The following SPTB variants were observed in gnomAD, a reference collection of about 807,000 sequenced individuals.
SPTB encodes spectrin beta chain, erythrocytic.
Under a neutral mutation model 256.2 loss-of-function variants are expected in SPTB, and 45 were observed. The ratio of observed to expected loss-of-function variants is 0.18; its 90% CI spans 0.14 to 0.23. The LOEUF (loss-of-function observed/expected upper bound fraction) is 0.23. SPTB is among the 10% of genes least tolerant of loss of function. The pLI is 1.00. For synonymous variants in SPTB, 1,231 were observed against 1,243.1 expected (o/e 0.99, Z 0.21); for missense variants, 2,715 against 3,040.4 (o/e 0.89, Z 2.52).
At position 64,774,499 on chromosome 14, in the gene SPTB, T is replaced by A. The variant is rs1361492153; in HGVS notation, c.4871A>T (p.Lys1624Met). Residue 1624 changes from lysine (K) to methionine (M), a missense_variant, in exon 24 of 36, where the codon AAG (lysine) becomes ATG (methionine). Physicochemically the swap from Lys to Met is moderately conservative, Grantham distance 95. This residue lies in a region of SPTB where 2,239 missense variants were observed against 2,384.4 expected (regional missense o/e 0.94). Coordinates refer to ENST00000644917, the MANE Select transcript of SPTB (RefSeq NM_001355436.2). ...CGCACGCTGCTGCCGCAAATGTCGC[T>A]TCAGCATCACAATGGCGCCCTCTTC... is the stretch of plus-strand genomic sequence containing the variant. ...KDEEGAIVML[K>M]RHLRQQRAVE... is the part of the protein sequence containing the mutation. 3 of 1,554,994 alleles carry A rather than the reference T, an allele frequency of 1.9e-6. No homozygotes were observed. Among genetic ancestry groups the A allele is most frequent in the Non-Finnish European group, 2.6e-6 (3 of 1,148,992 alleles).
rs229670 is a variant in SPTB, at chr14:64,816,783, A to C, written c.148+6164T>G. ...ATGGAAAATTGCTACAGATGCTCTGAAAACACCACCCTTGGCACCTCCTCA... is the reference window on the plus strand; with the variant it reads ...ATGGAAAATTGCTACAGATGCTCTGCAAACACCACCCTTGGCACCTCCTCA... On this transcript the variant is annotated intron_variant, in intron 2 of 35. Transcript: ENST00000644917. This position sits in a 1 kb window ranked among gnomAD's most constrained non-coding sequence, Gnocchi z 4.2. Among the ~76,000 whole-genome samples the C allele has an allele frequency of 0.26, 40,110 of 152,008 alleles. 5,918 individuals carry two copies. Among genetic ancestry groups the C allele is most frequent in the African/African-American group, 0.4 (16,443 of 41,404 alleles).
At chr14:64,804,536 C>G (rs1206554889) in intron 3 of SPTB, among the ~76,000 whole-genome samples, 9 of 152,110 alleles carry the variant, frequency 5.9e-5, no homozygotes, top group African/African-American at 1.4e-4. Flanking sequence ...ACTGAGACAG[C>G]CTCTAATAAA....
Position 64,824,187 on chromosome 14 carries a change from G to A in SPTB, c.-51-1042C>T, listed in dbSNP as rs1040472969. On this transcript the variant is annotated intron_variant, in intron 1 of 35. Coordinates refer to ENST00000644917, the MANE Select transcript of SPTB (RefSeq NM_001355436.2). The surrounding 1 kb of genome is among the most constrained non-coding windows in gnomAD (Gnocchi z 5.7). ...GTGATGTGTGTCATGGCTGGCTTAG[G>A]TGGGGACTCGGCGGGGACTGGTATC... is the stretch of plus-strand genomic sequence containing the variant. Among the ~76,000 whole-genome samples the A allele has an allele frequency of 1.3e-5, 2 of 152,176 alleles. No individual in the cohort carries two copies. Among genetic ancestry groups the A allele is most frequent in the East Asian group, 1.9e-4 (1 of 5,200 alleles).
At chr14:64,837,965 A>C (rs1050846647) in intron 1 of SPTB, among the ~76,000 whole-genome samples, 1 of 152,198 alleles carries the variant, frequency 6.6e-6, no homozygotes, top group African/African-American at 2.4e-5. Context: ...AGAATAGACA[A>C]AGCCATTTTG....
intron 9 of SPTB, among the ~76,000 whole-genome samples, chr14:64,799,346 A>C (rs919753979): frequency 2.0e-5 from 3 of 152,232 alleles, no homozygotes; most frequent in Non-Finnish European, 2.9e-5. Context: ...TTGACAATCC[A>C]TAAGGCCCCA....
rs891086677 is a variant in SPTB, at chr14:64,823,698, G to C, written c.-51-553C>G. ...CCACCAGCCCGGGGCAGCTGCACTG[G>C]GGGGACTTCACTCCTCCCGGAGGCT... On this transcript the variant is annotated intron_variant, in intron 1 of 35. Transcript: ENST00000644917. This position sits in a 1 kb window ranked among gnomAD's most constrained non-coding sequence, Gnocchi z 6.5. Among the ~76,000 whole-genome samples the C allele has an allele frequency of 6.6e-6, 1 of 152,170 alleles. No individual in the cohort carries two copies. The highest frequency in any genetic ancestry group is 1.5e-5 in the Non-Finnish European group (1 of 68,034).
chr14:64,808,007 A>G (rs1273614079), intron 2 of SPTB, among the ~76,000 whole-genome samples: 1 of 152,126 alleles, frequency 6.6e-6, no homozygotes, highest in Non-Finnish European at 1.5e-5. Flanking sequence ...CCGGCATCTC[A>G]TTCCTCTCTG....
At chr14:64,840,319 G>A (rs1163551974) in intron 1 of SPTB, among the ~76,000 whole-genome samples, 1 of 152,174 alleles carries the variant, frequency 6.6e-6, no homozygotes. Flanking sequence ...TACTCCACGA[G>A]GCTAACATCC....
chr14:64,842,068 T>C (rs1192858466), intron 1 of SPTB, among the ~76,000 whole-genome samples: 2 of 152,208 alleles, frequency 1.3e-5, no homozygotes, highest in East Asian at 3.8e-4. Flanking sequence ...TTTCTTAAAG[T>C]GGCCTGATTC....
Position 64,786,011 on chromosome 14 carries a change from C to T in SPTB, c.3562-60G>A, listed in dbSNP as rs2082559789. ...CACACGGAGGAGGTGATGAGCACAC[C>T]TCCCAAGTGGGAGCACCACGTGCAG... is the stretch of plus-strand genomic sequence containing the variant. On this transcript the variant is annotated intron_variant, in intron 16 of 35. Coordinates refer to ENST00000644917, the MANE Select transcript of SPTB (RefSeq NM_001355436.2). This position sits in a 1 kb window ranked among gnomAD's most constrained non-coding sequence, Gnocchi z 5.6. 1.9e-6 allele frequency: 3 copies of T among 1,568,340 alleles called. No individual in the cohort carries two copies. Among genetic ancestry groups the T allele is most frequent in the South Asian group, 1.1e-5 (1 of 89,630 alleles).
rs1165282381 is a variant in SPTB, at chr14:64,825,577, G to T, written c.-51-2432C>A. On this transcript the variant is annotated intron_variant, in intron 1 of 35. Transcript: ENST00000644917. This position sits in a 1 kb window ranked among gnomAD's most constrained non-coding sequence, Gnocchi z 4.8. ...GCCACAAGCCTGTCCAGCAGCCCCTGAGAAGGGCTGAGCTGCCAGACGCAG... is the reference window on the plus strand; with the variant it reads ...GCCACAAGCCTGTCCAGCAGCCCCTTAGAAGGGCTGAGCTGCCAGACGCAG... Among the ~76,000 whole-genome samples, 1 of 152,232 alleles carries T rather than the reference G, an allele frequency of 6.6e-6. No individual in the cohort carries two copies. Among genetic ancestry groups the T allele is most frequent in the South Asian group, 2.1e-4 (1 of 4,836 alleles).
At chr14:64,783,255 A>G (rs6573569) in intron 19 of SPTB, among the ~76,000 whole-genome samples, 44,246 of 151,858 alleles carry the variant, frequency 0.29, 7,156 homozygotes, top group African/African-American at 0.43. Context: ...CCAAGCTGGA[A>G]TGTAGTGGCA....
In SPTB at chr14:64,779,346, C is replaced by G; in HGVS notation, c.4474-100G>C. The G allele has an allele frequency of 1.1e-6, 1 of 936,674 alleles. No homozygotes were observed. Among genetic ancestry groups the G allele is most frequent in the Non-Finnish European group, 1.7e-6 (1 of 589,172 alleles). 58.0% of individuals were successfully genotyped at this position (936,674 alleles called of 1,614,324 possible). On this transcript the variant is annotated intron_variant, in intron 21 of 35. Transcript: ENST00000644917. The surrounding 1 kb of genome is among the most constrained non-coding windows in gnomAD (Gnocchi z 4.2). ...CGCAGAGCTTTGCTGGCAGTGTCTCCCCAGTTCCTCCCAACACCCCATCAG... is the reference window on the plus strand; with the variant it reads ...CGCAGAGCTTTGCTGGCAGTGTCTCGCCAGTTCCTCCCAACACCCCATCAG...
rs983773153 is a variant in SPTB, at chr14:64,793,315, T to C, written c.2348A>G (p.Lys783Arg). 5.0e-6 allele frequency: 8 copies of C among 1,608,256 alleles called. No individual in the cohort carries two copies. The highest frequency in any genetic ancestry group is 4.0e-5 in the African/African-American group (3 of 74,920). Reference sequence around the variant, plus strand: ...CTCCTCCAGGAAGTCCTTGTGCTTTTTCCCCAGGGCCCGCGTGGCCCCTTC... The same window carrying C: ...CTCCTCCAGGAAGTCCTTGTGCTTTCTCCCCAGGGCCCGCGTGGCCCCTTC... The part of the protein sequence containing the change: ...QDEGATRALG[K>R]KHKDFLEELE... Residue 783 changes from lysine to arginine, a missense_variant, in exon 14 of 36, where the codon AAA becomes AGA. Physicochemically the swap from Lys to Arg is conservative, Grantham distance 26. Around this residue, in one of 4 missense-constraint regions of SPTB, gnomAD observed 2,239 missense variants for 2,384.4 expected, o/e 0.94. Transcript: ENST00000644917. The surrounding 1 kb of genome is among the most constrained non-coding windows in gnomAD (Gnocchi z 7.0).
At chr14:64,765,455 A>G (rs1466353106) in intron 32 of SPTB, among the ~76,000 whole-genome samples, 3 of 152,090 alleles carry the variant, frequency 2.0e-5, no homozygotes, top group Non-Finnish European at 4.4e-5. Context: ...GCTCCAGGTA[A>G]GGTCCTGAGG....
chr14:64,816,567 C>CGT lies in SPTB; in HGVS notation c.148+6378_148+6379dup, dbSNP rs1042855828. The stretch of plus-strand genomic sequence containing the variant: ...CAAATTTGTCATAATTTGCTATGCA[C>CGT]GTGTGTCTATGCACATAGACACGTG... On this transcript the variant is annotated intron_variant, in intron 2 of 35. Transcript: ENST00000644917. The surrounding 1 kb of genome is among the most constrained non-coding windows in gnomAD (Gnocchi z 4.2). Among the ~76,000 whole-genome samples, 2 of 152,190 alleles carry CGT rather than the reference C, an allele frequency of 1.3e-5. No homozygotes were observed. The highest frequency in any genetic ancestry group is 6.5e-5 in the Admixed American group (1 of 15,282).
Position 64,764,744 on chromosome 14 carries a change from G to A in SPTB, c.6345+1982C>T, listed in dbSNP as rs776472805. 5.3e-5 allele frequency among the ~76,000 whole-genome samples: 8 copies of A among 152,144 alleles called. No individual in the cohort carries two copies. The highest frequency in any genetic ancestry group is 8.8e-5 in the Non-Finnish European group (6 of 68,026). ...ACAGGGACGCATGGCAGAAGCAGGC[G>A]GGGGCAGGGTGCAGGGCCCTAGCCC... On this transcript the variant is annotated intron_variant, in intron 32 of 35. Coordinates refer to ENST00000644917, the MANE Select transcript of SPTB (RefSeq NM_001355436.2). The surrounding 1 kb of genome is among the most constrained non-coding windows in gnomAD (Gnocchi z 4.2).
At position 64,805,002 on chromosome 14, in the gene SPTB, G is replaced by A. The variant is rs755114887; in HGVS notation, c.237C>T (p.Tyr79=). ...GCATGCGCCCATCCCGCAGGTCCTT[G>A]TAGAGATCGGTGATGCGGCAGGACA... ...ARVSCRITDL[Y]KDLRDGRMLI... is the part of the protein sequence containing the mutation. The change falls in exon 3 of 36, where the codon TAC becomes TAT. Residue 79 remains tyrosine, a synonymous_variant. Transcript: ENST00000644917. 1.9e-6 allele frequency: 3 copies of A among 1,614,180 alleles called. No homozygotes were observed. In the Middle Eastern group the frequency reaches 4.9e-4, roughly 266 times the overall value.
At chr14:64,835,537 C>T (rs1012638873) in intron 1 of SPTB, among the ~76,000 whole-genome samples, 2 of 152,220 alleles carry the variant, frequency 1.3e-5, no homozygotes, top group Non-Finnish European at 2.9e-5. Flanking sequence ...TGAGCCACCT[C>T]ACCCAGCCCA....
Sources: allele counts gnomAD v4.1 joint callset (sites outside exome capture counted in the v4.1 genomes callset), GRCh38; gene constraint gnomAD v4.1.1; regional missense constraint gnomAD v4.1.1; non-coding constraint Gnocchi (gnomAD v3.1); transcripts MANE v1.5; gene names NCBI Gene and HGNC (gene_info 2026-07-23, HGNC 2026-07-21).